The following USO1 variants were observed in gnomAD, a reference collection of about 807,000 sequenced individuals.
USO1 encodes USO1 vesicle transport factor.
Under a neutral mutation model 124.5 loss-of-function variants are expected in USO1, and 57 were observed. The ratio of observed to expected loss-of-function variants is 0.46; its 90% CI spans 0.37 to 0.57. The LOEUF is 0.57. Among genes scored for constraint, USO1 ranks in the 20% least tolerant of loss-of-function variants. The pLI, the probability that USO1 is intolerant of heterozygous loss-of-function variation, is 0.00. For missense variants in USO1, 900 were observed against 1,040.6 expected (o/e 0.86, Z 1.86); for synonymous variants, 369 against 362.8 (o/e 1.02, Z -0.19).
At chr4:75,811,242 A>G (rs1244896453) in intron 22 of USO1, among the ~76,000 whole-genome samples, 5 of 150,486 alleles carry the variant, frequency 3.3e-5, no homozygotes. Flanking sequence ...TGCAGCCTCC[A>G]CCTCCCAGAT....
Position 75,743,922 on chromosome 4 carries a change from G to A in USO1, c.67-8451G>A, listed in dbSNP as rs973633909. 9.2e-5 allele frequency among the ~76,000 whole-genome samples: 14 copies of A among 151,966 alleles called. No individual in the cohort carries two copies. The East Asian group carries it at 2.5e-3, about 27-fold the overall frequency. On this transcript the variant is annotated intron_variant, in intron 1 of 23. Coordinates refer to ENST00000514213, the MANE Select transcript of USO1 (RefSeq NM_003715.4). ...CTCCCAAGTAGCTGGGACTACAGGC[G>A]CCCGCCACCACGGCCGGCTAATTTT...
At chr4:75,731,592 A>G (rs1720634024) in intron 1 of USO1, among the ~76,000 whole-genome samples, 1 of 152,208 alleles carries the variant, frequency 6.6e-6, no homozygotes, top group African/African-American at 2.4e-5. Flanking sequence ...TTTGTAATCT[A>G]AAACAATAAT....
rs1723220571 is a variant in USO1, at chr4:75,813,930, A to C, written c.*635A>C. 1 of 152,232 alleles carries C rather than the reference A, an allele frequency of 6.6e-6. No individual in the cohort carries two copies. Among genetic ancestry groups the C allele is most frequent in the Non-Finnish European group, 1.5e-5 (1 of 68,034 alleles). 9.4% of individuals were successfully genotyped at this position (152,232 alleles called of 1,614,324 possible). The stretch of plus-strand genomic sequence containing the variant: ...CAGTGATGTGGAGGGCATTCCGGAG[A>C]AACTTTTGCAACAGTGTATTAATGT... On this transcript the variant is annotated 3_prime_UTR_variant, in exon 24 of 24. Coordinates refer to ENST00000514213, the MANE Select transcript of USO1 (RefSeq NM_003715.4).
At chr4:75,809,263 G>A (rs1244636386) in intron 21 of USO1, among the ~76,000 whole-genome samples, 2 of 151,928 alleles carry the variant, frequency 1.3e-5, no homozygotes, top group Admixed American at 6.6e-5. Flanking sequence ...TTACTTAATA[G>A]TTTATTTTGC....
Position 75,793,508 on chromosome 4 carries a change from T to A in USO1, c.1241-182T>A, listed in dbSNP as rs2089950. Among the ~76,000 whole-genome samples, 902 of 152,352 alleles carry A rather than the reference T, an allele frequency of 5.9e-3. 15 individuals are homozygous for A. The highest frequency in any genetic ancestry group is 0.021 in the African/African-American group (855 of 41,574). On this transcript the variant is annotated intron_variant, in intron 12 of 23. Transcript: ENST00000514213. ...GATAACTTTCTCTCATTGTTCATTT[T>A]GCTTTGAAAAGCAGACTTTTATCAT...
At chr4:75,747,898 G>A (rs1440000388) in intron 1 of USO1, among the ~76,000 whole-genome samples, 1 of 125,446 alleles carries the variant, frequency 8.0e-6, no homozygotes, top group Non-Finnish European at 1.7e-5. Context: ...ACCTCACCTG[G>A]CCTTTTTTTT....
chr4:75,767,028 T>C (rs1310492783), intron 4 of USO1, among the ~76,000 whole-genome samples: 1 of 152,230 alleles, frequency 6.6e-6, no homozygotes, highest in African/African-American at 2.4e-5. Context: ...TCCTTTCTCA[T>C]TGAGTACTTT....
chr4:75,809,139 A>G, intron 21 of USO1, 88 bp downstream of exon 21: 2 of 1,447,706 alleles, frequency 1.4e-6, no homozygotes, highest in Non-Finnish European at 1.8e-6. Context: ...AAACAAATTC[A>G]TCAGATAGCA....
At chr4:75,790,907 G>GAT in intron 12 of USO1, 110 bp downstream of exon 12, 1 of 1,234,986 alleles carries the variant, frequency 8.1e-7, no homozygotes. Flanking sequence ...GCATGCTTAG[G>GAT]AGAGAAAAAA....
intron 1 of USO1, among the ~76,000 whole-genome samples, chr4:75,726,470 C>T (rs764160823): frequency 5.3e-5 from 8 of 151,596 alleles, no homozygotes; most frequent in Non-Finnish European, 1.0e-4. Context: ...CGCAGTGACA[C>T]AGGCCTATAA....
chr4:75,801,290 A>G, intron 17 of USO1, 90 bp downstream of exon 17: 3 of 1,396,710 alleles, frequency 2.1e-6, no homozygotes, highest in Middle Eastern at 2.0e-4. Flanking sequence ...TTCAAATGAA[A>G]GAGGATATAG....
intron 1 of USO1, chr4:75,730,106 T>A (rs1720586913): frequency 4.5e-6 from 1 of 223,888 alleles, no homozygotes; most frequent in Non-Finnish European, 9.3e-6. Context: ...TAATAATGAT[T>A]TGTGTTTTGG....
chr4:75,762,164 CTTTTTTTT>C lies in USO1; in HGVS notation c.295+4609_295+4616del, dbSNP rs375866579. On this transcript the variant is annotated intron_variant, in intron 4 of 23. Transcript: ENST00000514213. ...CTGAGTAAGTAGAAGAACAATTTTA[CTTTTTTTT>C]TTTTTTTTTTTTTTTTTGAGACAGA... Among the ~76,000 whole-genome samples, 538 of 70,200 alleles carry C rather than the reference CTTTTTTTT, an allele frequency of 7.7e-3. 3 individuals are homozygous for C. The highest frequency in any genetic ancestry group is 0.053 in the Middle Eastern group (5 of 94). 46.1% of individuals were successfully genotyped at this position (70,200 alleles called of 152,430 possible). A position where few individuals can be genotyped will look rare whatever the true frequency, so the allele number is the denominator to read the frequency against.
At chr4:75,767,201 T>A (rs1358733519) in intron 4 of USO1, among the ~76,000 whole-genome samples, 1 of 152,146 alleles carries the variant, frequency 6.6e-6, no homozygotes, top group Non-Finnish European at 1.5e-5. Context: ...CCTTGTTGAT[T>A]TCATCTAGGC....
At chr4:75,791,108 T>G (rs905350526) in intron 12 of USO1, among the ~76,000 whole-genome samples, 3 of 152,228 alleles carry the variant, frequency 2.0e-5, no homozygotes, top group Admixed American at 6.5e-5. Context: ...TAATACCCCA[T>G]TAGGAACATT....
chr4:75,810,429 C>T lies in USO1; in HGVS notation c.2476-3C>T. On this transcript the variant is annotated splice_polypyrimidine_tract_variant and splice_region_variant and intron_variant, in intron 21 of 23. Coordinates refer to ENST00000514213, the MANE Select transcript of USO1 (RefSeq NM_003715.4). ...CATCTTTTTTTCCAATTTCTAATTT[C>T]AGGCAAAATCAGTTGAGGTACAAGG... 1 of 1,600,396 alleles carries T rather than the reference C, an allele frequency of 6.2e-7. No homozygotes were observed. The highest frequency in any genetic ancestry group is 1.1e-5 in the South Asian group (1 of 87,174).
chr4:75,789,976 AT>A (rs940548475), intron 10 of USO1, among the ~76,000 whole-genome samples, 173 bp from the exon 11 acceptor site: 4 of 150,938 alleles, frequency 2.7e-5, no homozygotes, highest in Admixed American at 6.6e-5. Context: ...GGGATATAAG[AT>A]TTTTTTTCAT....
intron 13 of USO1, among the ~76,000 whole-genome samples, chr4:75,794,354 C>T (rs1722620798): frequency 1.3e-5 from 2 of 152,030 alleles, no homozygotes; most frequent in South Asian, 4.2e-4. Flanking sequence ...CAGTATATCC[C>T]CTTGAAGTTT....
At chr4:75,796,284 C>T (rs1722675851) in intron 13 of USO1, among the ~76,000 whole-genome samples, 1 of 151,358 alleles carries the variant, frequency 6.6e-6, no homozygotes, top group Admixed American at 6.6e-5. Flanking sequence ...TCTCTGTAAC[C>T]ACCACCCAAA....
Sources: gnomAD v4.1 joint callset for allele counts (sites outside exome capture counted in the v4.1 genomes callset) on GRCh38, gnomAD v4.1.1 for gene constraint, MANE v1.5 for transcripts, NCBI Gene and HGNC (gene_info 2026-07-23, HGNC 2026-07-21) for gene names.